DIP2A: variants seen among roughly 807,000 people sequenced by gnomAD.
DIP2A encodes the protein disco-interacting protein 2 homolog A.
Under a neutral mutation model 177.4 loss-of-function variants are expected in DIP2A, and 85 were observed. The ratio of observed to expected loss-of-function variants is 0.48; its 90% CI spans 0.40 to 0.57. DIP2A has a LOEUF of 0.57. Among genes scored for constraint, DIP2A ranks in the 20% least tolerant of loss-of-function variants. DIP2A has a pLI of 0.00. For synonymous variants in DIP2A, 886 were observed against 881.8 expected, an observed-to-expected ratio of 1.00 and a Z score of -0.08; for missense variants, 1,791 against 2,100.2, an observed-to-expected ratio of 0.85 and a Z score of 2.88.
At chr21:46,554,048 A>G in intron 25 of DIP2A, 121 bp from the exon 26 acceptor site, 1 of 1,325,146 alleles carries the variant, frequency 7.5e-7, no homozygotes, top group South Asian at 1.4e-5. Flanking sequence ...CATTGTCATT[A>G]TCATGGACGC....
At chr21:46,533,953 A>G (rs1291955381) in intron 11 of DIP2A, 51 bp from the exon 12 acceptor site, 3 of 1,485,292 alleles carry the variant, frequency 2.0e-6, no homozygotes, top group Non-Finnish European at 2.8e-6. Context: ...GAGTGTGGGG[A>G]GCAGATGCCT....
chr21:46,459,710 C>G (rs2054127575), intron 1 of DIP2A, among the ~76,000 whole-genome samples: 1 of 150,256 alleles, frequency 6.7e-6, no homozygotes, highest in Non-Finnish European at 1.5e-5. Flanking sequence ...ACAAGGACCC[C>G]TCCCCCATAC....
chr21:46,531,619 A>G (rs1311194895), intron 9 of DIP2A, among the ~76,000 whole-genome samples: 1 of 152,258 alleles, frequency 6.6e-6, no homozygotes, highest in Non-Finnish European at 1.5e-5. Flanking sequence ...TCATAATAAA[A>G]TGGACAAGGT....
Position 46,541,696 on chromosome 21 carries a change from C to T in DIP2A, c.2037-60C>T, listed in dbSNP as rs1037617827. ...GAATCATGCTGCAGGCAAGGTGGGC[C>T]CACCTCCCTGGAATTTCATCCCCCT... On this transcript the variant is annotated intron_variant, in intron 17 of 37. Coordinates refer to ENST00000417564, the MANE Select transcript of DIP2A (RefSeq NM_015151.4). The T allele has an allele frequency of 6.8e-6, 11 of 1,606,146 alleles. No homozygotes were observed. The African/African-American group carries it at 1.5e-4, about 21-fold the overall frequency.
At chr21:46,508,353 C>CT (rs571637777) in intron 6 of DIP2A, among the ~76,000 whole-genome samples, 30,561 of 90,458 alleles carry the variant, frequency 0.34, 6,404 homozygotes, top group Middle Eastern at 0.37. Context: ...TGGCCAATGA[C>CT]TTTTTTTTTT....
At position 46,554,866 on chromosome 21, in the gene DIP2A, G is replaced by A; in HGVS notation, c.3321G>A (p.Arg1107=). 6.5e-7 allele frequency: 1 copy of A among 1,534,624 alleles called. No individual in the cohort carries two copies. The highest frequency in any genetic ancestry group is 8.8e-7 in the Non-Finnish European group (1 of 1,138,024). The change falls in exon 28 of 38, where the codon CGG becomes CGA. Residue 1107 remains arginine, a synonymous_variant. Transcript: ENST00000417564. The part of the protein sequence containing the change: ...ACVLTTQAVT[R]LLRSKEAAAA... ...TCCTCACCACGCAGGCTGTCACACGGCTGCTCAGGTCCAAGGAGGCTGCTG... is the reference window on the plus strand; with the variant it reads ...TCCTCACCACGCAGGCTGTCACACGACTGCTCAGGTCCAAGGAGGCTGCTG...
intron 33 of DIP2A, chr21:46,561,123 T>C: frequency 1.6e-6 from 1 of 638,364 alleles, no homozygotes; most frequent in Non-Finnish European, 2.0e-6. Flanking sequence ...GACATTTGGT[T>C]CTTTAGAGGG....
intron 1 of DIP2A, among the ~76,000 whole-genome samples, chr21:46,483,735 C>T (rs2056508241): frequency 1.3e-5 from 2 of 152,214 alleles, no homozygotes. Context: ...TAAATGACAT[C>T]AGCCTGTGTC....
At chr21:46,520,613 A>G (rs942365943) in intron 8 of DIP2A, among the ~76,000 whole-genome samples, 4 of 152,220 alleles carry the variant, frequency 2.6e-5, no homozygotes, top group Admixed American at 1.3e-4. Flanking sequence ...CAAGACAACA[A>G]TTTTGTATGG....
chr21:46,503,725 T>G (rs1275012023), intron 5 of DIP2A, among the ~76,000 whole-genome samples: 1 of 151,540 alleles, frequency 6.6e-6, no homozygotes. Flanking sequence ...CCTTCCTTCT[T>G]TCTTTCTTTT....
rs758674919 is a variant in DIP2A at position 46,539,886 on chromosome 21, C to T, written c.1931C>T (p.Ser644Phe). The T allele has an allele frequency of 1.2e-6, 2 of 1,613,750 alleles. No homozygotes were observed. The highest frequency in any genetic ancestry group is 2.2e-5 in the East Asian group (1 of 44,872). The change falls in exon 17 of 38, where the codon TCC becomes TTC. Residue 644 changes from serine to phenylalanine, a missense_variant. Ser to Phe is a radical substitution (Grantham distance 155). Transcript: ENST00000417564. ...TTGTTGCTCTGTGCAGGGTCGATCT[C>T]CTCCTGTGACGCCTTCCTCAACGTC... ...VADGANPWSI[S>F]SCDAFLNVFQ... is the part of the protein sequence containing the mutation.
intron 1 of DIP2A, among the ~76,000 whole-genome samples, chr21:46,470,763 C>CAAA (rs1348605904): frequency 1.8e-5 from 2 of 108,736 alleles, no homozygotes; most frequent in African/African-American, 3.3e-5. Flanking sequence ...GACTCTGTCT[C>CAAA]AAAAAAAAAA....
In DIP2A at chr21:46,557,980, C is replaced by T. The variant is rs1174866004; in HGVS notation, c.3798+227C>T. Reference sequence around the variant, plus strand: ...AGGAGGGTGGGGGGTAGGGCAGGGTCCCTGCGAGATAGCGGGGTGGAAGTC... The same window carrying T: ...AGGAGGGTGGGGGGTAGGGCAGGGTTCCTGCGAGATAGCGGGGTGGAAGTC... On this transcript the variant is annotated intron_variant, in intron 31 of 37. Transcript: ENST00000417564. The surrounding 1 kb of genome is among the most constrained non-coding windows in gnomAD (Gnocchi z 6.0). Among the ~76,000 whole-genome samples, 2 of 152,218 alleles carry T rather than the reference C, an allele frequency of 1.3e-5. No homozygotes were observed. Among genetic ancestry groups the T allele is most frequent in the African/African-American group, 4.8e-5 (2 of 41,450 alleles).
In DIP2A at chr21:46,537,388, T is replaced by C; in HGVS notation, c.1708-58T>C. On this transcript the variant is annotated intron_variant, in intron 14 of 37. Coordinates refer to ENST00000417564, the MANE Select transcript of DIP2A (RefSeq NM_015151.4). The surrounding 1 kb of genome is among the most constrained non-coding windows in gnomAD (Gnocchi z 4.1). ...GTTGGGAGAGTACATCGGTTTTGTT[T>C]TGCTTTTTCTGGTGTGGCTCGGGCC... 6.2e-7 allele frequency: 1 copy of C among 1,611,238 alleles called. No individual in the cohort carries two copies.
chr21:46,498,793 T>C lies in DIP2A; in HGVS notation c.615T>C (p.Ala205=), dbSNP rs1366956927. ...PSAAATPGAA[A]TTALAGLEAH... ...CTGCAGCCACGCCGGGGGCCGCCGCTACCACTGCACTCGCAGGCCTCGAGG... is the reference window on the plus strand; with the variant it reads ...CTGCAGCCACGCCGGGGGCCGCCGCCACCACTGCACTCGCAGGCCTCGAGG... Residue 205 remains alanine (A), a synonymous_variant, in exon 5 of 38, where the codon GCT becomes GCC. Coordinates refer to ENST00000417564, the MANE Select transcript of DIP2A (RefSeq NM_015151.4). This position sits in a 1 kb window ranked among gnomAD's most constrained non-coding sequence, Gnocchi z 4.3. 12 of 1,613,632 alleles carry C rather than the reference T, an allele frequency of 7.4e-6. No homozygotes were observed. Among genetic ancestry groups the C allele is most frequent in the African/African-American group, 1.3e-5 (1 of 74,900 alleles).
chr21:46,459,921 C>T (rs2054152453), intron 1 of DIP2A, among the ~76,000 whole-genome samples: 1 of 152,128 alleles, frequency 6.6e-6, no homozygotes, highest in East Asian at 1.9e-4. Context: ...AGCTGTGAGC[C>T]CCGCTTTTCT....
rs1569125883 is a variant in DIP2A at position 46,567,532 on chromosome 21, C to T, written c.4626C>T (p.Ile1542=). ...VVIVDPGVIP[I]NSRGEKQRMH... Reference sequence around the variant, plus strand: ...TCGTGGACCCAGGGGTGATCCCTATCAACTCTCGGGGTGAGAAGCAGCGCA... The same window carrying T: ...TCGTGGACCCAGGGGTGATCCCTATTAACTCTCGGGGTGAGAAGCAGCGCA... The change falls in exon 38 of 38, where the codon ATC becomes ATT. Residue 1542 remains isoleucine (I), a synonymous_variant. Transcript: ENST00000417564. 1.9e-6 allele frequency: 3 copies of T among 1,613,760 alleles called. No individual in the cohort carries two copies. Among genetic ancestry groups the T allele is most frequent in the Admixed American group, 3.3e-5 (2 of 60,000 alleles).
chr21:46,485,867 TC>T (rs1310423367), intron 2 of DIP2A, among the ~76,000 whole-genome samples: 4 of 151,586 alleles, frequency 2.6e-5, no homozygotes, highest in Non-Finnish European at 5.9e-5. Flanking sequence ...GGTCAGGAGT[TC>T]AAGACCAGCC....
At chr21:46,561,251 C>T (rs1569115097) in intron 33 of DIP2A, 1 of 267,444 alleles carries the variant, frequency 3.7e-6, no homozygotes. Context: ...AGTTATCCAT[C>T]TACTGGCAAG....
Sources: gnomAD v4.1 joint callset for allele counts (sites outside exome capture counted in the v4.1 genomes callset) on GRCh38, gnomAD v4.1.1 for gene constraint, Gnocchi (gnomAD v3.1) non-coding constraint, MANE v1.5 for transcripts, NCBI Gene and HGNC (gene_info 2026-07-23, HGNC 2026-07-21) for gene names.